Variants in LRRK1 observed in about 807,000 individuals in gnomAD.
The protein encoded by LRRK1 is leucine-rich repeat serine/threonine-protein kinase 1.
Under a neutral mutation model 209.1 loss-of-function variants are expected in LRRK1, and 113 were observed. The ratio of observed to expected loss-of-function variants is 0.54; its 90% CI spans 0.46 to 0.63. The LOEUF (loss-of-function observed/expected upper bound fraction) is 0.63, where lower values mean the gene tolerates loss of function less well. LRRK1 is among the 30% of genes least tolerant of loss of function. LRRK1 has a pLI of 0.00. For synonymous variants in LRRK1, 1,144 were observed against 1,099.7 expected (o/e 1.04, Z -0.80); for missense variants, 2,284 against 2,632.2 (o/e 0.87, Z 2.89).
chr15:101,066,179 C>A lies in LRRK1; in HGVS notation c.5742C>A (p.Ala1914=). The A allele has an allele frequency of 6.2e-7, 1 of 1,611,080 alleles. No individual in the cohort carries two copies. The change falls in exon 32 of 34, where the codon GCC becomes GCA. Residue 1914 remains alanine, a synonymous_variant. Coordinates refer to ENST00000388948, the MANE Select transcript of LRRK1 (RefSeq NM_024652.6). ...SQHLQAVKIL[A]VRDLIWVPRR... ...ACCTGCAGGCCGTGAAGATCCTCGC[C>A]GTCAGAGACCTCATTTGGGTCCCCA...
In LRRK1 at chr15:101,055,035, A is replaced by C; in HGVS notation, c.4144A>C (p.Ile1382Leu). ...CCTGGCCTACCTGCACAAGAAAAACATCATCTTCTGTGACCTGAAGTCGGA... is the reference window on the plus strand; with the variant it reads ...CCTGGCCTACCTGCACAAGAAAAACCTCATCTTCTGTGACCTGAAGTCGGA... ...SGLAYLHKKN[I>L]IFCDLKSDNI... The change falls in exon 27 of 34, where the codon ATC becomes CTC. Residue 1382 changes from isoleucine (I) to leucine (L), a missense_variant. This residue lies in a region of LRRK1 where 780 missense variants were observed against 985.2 expected (regional missense o/e 0.79). Transcript: ENST00000388948. The C allele has an allele frequency of 6.2e-7, 1 of 1,614,210 alleles. No individual in the cohort carries two copies. Among genetic ancestry groups the C allele is most frequent in the Non-Finnish European group, 8.5e-7 (1 of 1,180,030 alleles).
chr15:101,062,773 C>T lies in LRRK1; in HGVS notation c.4914+83C>T, dbSNP rs771988975. On this transcript the variant is annotated intron_variant, in intron 31 of 33. Coordinates refer to ENST00000388948, the MANE Select transcript of LRRK1 (RefSeq NM_024652.6). ...GCGTCTCCTAGCTATGTCAGGGTGG[C>T]GCCTGCAGAGCCACACCTAGGACCA... The T allele has an allele frequency of 2.7e-5, 27 of 1,018,838 alleles. No individual in the cohort carries two copies. In the Middle Eastern group the frequency reaches 7.8e-4, roughly 30 times the overall value. 63.1% of individuals were successfully genotyped at this position (1,018,838 alleles called of 1,614,324 possible).
chr15:101,026,156 G>A lies in LRRK1; in HGVS notation c.2405+19G>A, dbSNP rs1304334216. 3.7e-6 allele frequency: 6 copies of A among 1,612,194 alleles called. No individual in the cohort carries two copies. The African/African-American group carries it at 8.0e-5, about 22-fold the overall frequency. ...ACTTACAGTGAGTGCCCAGCCTCGG[G>A]CAGCTCCTGCCTTCTTGTGGGTGCC... On this transcript the variant is annotated intron_variant, in intron 17 of 33. Transcript: ENST00000388948.
rs761654387 is a variant in LRRK1, at chr15:100,973,957, A to C, written c.251A>C (p.Gln84Pro). 3.2e-5 allele frequency: 40 copies of C among 1,250,272 alleles called. No individual in the cohort carries two copies. The highest frequency in any genetic ancestry group is 4.7e-5 in the African/African-American group (3 of 64,470). 77.4% of individuals were successfully genotyped at this position (1,250,272 alleles called of 1,614,324 possible). Residue 84 changes from glutamine (Q) to proline (P), a missense_variant, in exon 3 of 34, where the codon CAG becomes CCG. Gln to Pro is a moderately conservative substitution (Grantham distance 76). Transcript: ENST00000388948. Reference sequence around the variant, plus strand: ...GAGGCCTGCGACCAGTGCGCGTCCCAGCTGGAAAAGGTAGGGGAGCGCCTG... The same window carrying C: ...GAGGCCTGCGACCAGTGCGCGTCCCCGCTGGAAAAGGTAGGGGAGCGCCTG... ...LEEACDQCAS[Q>P]LEKGQLLSIP...
chr15:100,960,356 GCAATGT>G (rs2029874706), intron 2 of LRRK1, among the ~76,000 whole-genome samples: 1 of 148,960 alleles, frequency 6.7e-6, no homozygotes, highest in South Asian at 2.1e-4. Context: ...AAGCAACGTG[GCAATGT>G]CAAAGGGTGT....
chr15:101,056,491 G>A (rs1181138240), intron 27 of LRRK1, among the ~76,000 whole-genome samples: 1 of 152,146 alleles, frequency 6.6e-6, no homozygotes, highest in Non-Finnish European at 1.5e-5. Flanking sequence ...TCAGATGGAT[G>A]GGTGGATGGA....
chr15:101,054,317 G>A (rs963848454), intron 26 of LRRK1, among the ~76,000 whole-genome samples: 2 of 152,202 alleles, frequency 1.3e-5, no homozygotes, highest in African/African-American at 4.8e-5. Flanking sequence ...ACGTAGGACA[G>A]CCTTGACCTG....
chr15:100,948,775 G>A (rs771000468), intron 2 of LRRK1, among the ~76,000 whole-genome samples: 3 of 152,010 alleles, frequency 2.0e-5, no homozygotes, highest in Non-Finnish European at 4.4e-5. Context: ...ATTAAAGAAC[G>A]AATGTGTTAA....
intron 33 of LRRK1, 104 bp downstream of exon 33, chr15:101,066,845 C>A: frequency 9.8e-7 from 1 of 1,020,000 alleles, no homozygotes; most frequent in Non-Finnish European, 1.5e-6. Flanking sequence ...TCCATTCTCC[C>A]AAATAGCATA....
chr15:100,940,458 C>T (rs556889997), intron 2 of LRRK1, among the ~76,000 whole-genome samples: 2 of 152,294 alleles, frequency 1.3e-5, no homozygotes, highest in East Asian at 1.9e-4. Flanking sequence ...TCTCTGCTCC[C>T]GGCCTCCTTG....
chr15:101,065,225 T>G (rs1889384173), intron 31 of LRRK1, 127 bp from the exon 32 acceptor site: 1 of 1,124,774 alleles, frequency 8.9e-7, no homozygotes. Flanking sequence ...TTTGCTGCCC[T>G]GAGGCGCACT....
chr15:100,963,145 T>C (rs1421984668), intron 2 of LRRK1, among the ~76,000 whole-genome samples: 1 of 151,944 alleles, frequency 6.6e-6, no homozygotes, highest in Non-Finnish European at 1.5e-5. Context: ...TTTTAAATGG[T>C]GTCCATCTGT....
intron 1 of LRRK1, chr15:100,920,207 A>C (rs560370623): frequency 6.6e-6 from 1 of 152,554 alleles, no homozygotes; most frequent in African/African-American, 2.4e-5. Flanking sequence ...ACCCCTTCAC[A>C]GTATGAGGCC....
At chr15:101,011,863 C>A in intron 9 of LRRK1, 145 bp from the exon 10 acceptor site, 1 of 661,220 alleles carries the variant, frequency 1.5e-6, no homozygotes, top group Non-Finnish European at 2.6e-6. Context: ...GGGTGTGCAG[C>A]CTTCCAGCAA....
intron 6 of LRRK1, 73 bp downstream of exon 6, chr15:100,989,471 T>A: frequency 6.8e-7 from 1 of 1,464,730 alleles, no homozygotes; most frequent in Non-Finnish European, 9.5e-7. Flanking sequence ...GCAGACTGGG[T>A]AATTTATAAT....
intron 6 of LRRK1, among the ~76,000 whole-genome samples, chr15:100,995,643 T>C (rs1203908361): frequency 2.6e-5 from 4 of 152,162 alleles, no homozygotes; most frequent in Admixed American, 6.5e-5. Flanking sequence ...AATGCTTTGA[T>C]GTTGTCACAC....
chr15:101,005,109 C>T (rs2032881120), intron 6 of LRRK1, among the ~76,000 whole-genome samples: 1 of 152,156 alleles, frequency 6.6e-6, no homozygotes, highest in Non-Finnish European at 1.5e-5. Flanking sequence ...ATCTGGACAC[C>T]TTGATTCCAT....
At chr15:101,042,417 C>T (rs547631046) in intron 20 of LRRK1, among the ~76,000 whole-genome samples, 2 of 152,246 alleles carry the variant, frequency 1.3e-5, no homozygotes, top group South Asian at 4.2e-4. Context: ...GACCTCTGAC[C>T]CCATGCCACC....
At chr15:100,924,768 C>T (rs2042080416) in intron 2 of LRRK1, 39 bp downstream of exon 2, 2 of 1,498,902 alleles carry the variant, frequency 1.3e-6, no homozygotes, top group Admixed American at 3.3e-5. Flanking sequence ...CTGGGTGTGA[C>T]CTGCCATGCT....
Sources: gnomAD v4.1 joint callset for allele counts (sites outside exome capture counted in the v4.1 genomes callset) on GRCh38, gnomAD v4.1.1 for gene constraint, gnomAD v4.1.1 regional missense constraint, MANE v1.5 for transcripts, NCBI Gene and HGNC (gene_info 2026-07-23, HGNC 2026-07-21) for gene names.